The following MYO16 variants were observed in gnomAD, a reference collection of about 807,000 sequenced individuals.
MYO16 encodes the protein unconventional myosin-XVI.
MYO16 carries 94 observed loss-of-function variants against 205.3 expected under a neutral mutation model. The ratio of observed to expected loss-of-function variants is 0.46; its 90% CI spans 0.39 to 0.54. The LOEUF is 0.54. MYO16 is among the 20% of genes least tolerant of loss of function. MYO16 has a pLI of 0.00. For missense variants in MYO16, 2,315 were observed against 2,387.5 expected, an observed-to-expected ratio of 0.97 and a Z score of 0.63; for synonymous variants, 988 against 954.0, an observed-to-expected ratio of 1.04 and a Z score of -0.66.
intron 22 of MYO16, among the ~76,000 whole-genome samples, chr13:109,015,978 T>A (rs762136726): frequency 6.6e-6 from 1 of 152,196 alleles, no homozygotes; most frequent in Non-Finnish European, 1.5e-5. Flanking sequence ...TCTGCTCTGA[T>A]CTTAGTTATT....
intron 33 of MYO16, among the ~76,000 whole-genome samples, chr13:109,178,318 C>T (rs1879307937): frequency 6.6e-6 from 1 of 152,114 alleles, no homozygotes; most frequent in African/African-American, 2.4e-5. Flanking sequence ...ATTGTCCGCC[C>T]AGTCTTCATG....
intron 16 of MYO16, among the ~76,000 whole-genome samples, chr13:108,929,871 C>T (rs1882178105): frequency 6.6e-6 from 1 of 152,084 alleles, no homozygotes; most frequent in African/African-American, 2.4e-5. Flanking sequence ...AGTAAACCAT[C>T]ATAACTAGGG....
At chr13:108,545,143 G>A in the MYO16 span, among the ~76,000 whole-genome samples, 2 of 151,848 alleles carry the variant, frequency 1.3e-5, no homozygotes, top group Non-Finnish European at 2.9e-5. Context: ...TTTTTTCAAC[G>A]CTCACCTGCC....
In MYO16 at chr13:108,610,789, G is replaced by T. The variant is rs543362661; in HGVS notation, c.-39+14550G>T. Among the ~76,000 whole-genome samples the T allele has an allele frequency of 9.2e-5, 14 of 152,254 alleles. No homozygotes were observed. In the East Asian group the frequency reaches 2.7e-3, roughly 29 times the overall value. ...CCTTGAGGCAGAAGAGAGGAGGAGA[G>T]CTGAGAGAAACAAGTAGATAGAATT... On this transcript the variant is annotated intron_variant, in intron 1 of 24. Coordinates refer to the MYO16 transcript ENST00000251041.
chr13:109,015,196 A>T (rs148800775), intron 22 of MYO16, among the ~76,000 whole-genome samples: 1 of 151,940 alleles, frequency 6.6e-6, no homozygotes, highest in Non-Finnish European at 1.5e-5. Flanking sequence ...TGTTGAAGGC[A>T]TTTTCTGCAT....
At chr13:108,663,473 T>C (rs1881591499) in intron 1 of MYO16, among the ~76,000 whole-genome samples, 1 of 152,196 alleles carries the variant, frequency 6.6e-6, no homozygotes, top group South Asian at 2.1e-4. Context: ...ACTAATGTTT[T>C]AGATCAAAAC....
chr13:108,613,160 A>G (rs866793050), intron 1 of MYO16, among the ~76,000 whole-genome samples: 1 of 152,182 alleles, frequency 6.6e-6, no homozygotes, highest in Non-Finnish European at 1.5e-5. Flanking sequence ...AGTTTAATTA[A>G]ATTTGATTAA....
In MYO16 at chr13:108,898,142, A is replaced by G. The variant is rs1192107156; in HGVS notation, c.1777+9A>G. The G allele has an allele frequency of 1.3e-6, 2 of 1,590,100 alleles. No individual in the cohort carries two copies. The highest frequency in any genetic ancestry group is 3.3e-5 in the Admixed American group (2 of 59,970). On this transcript the variant is annotated intron_variant, in intron 15 of 34. Coordinates refer to ENST00000457511, the MANE Select transcript of MYO16 (RefSeq NM_001198950.3). ...ACAACAGCTAACCGGAGGTAAGTGC[A>G]GTATTTGACAACGTGGATTTCCTGT...
At chr13:108,535,164 A>G in the MYO16 span, among the ~76,000 whole-genome samples, 1 of 150,522 alleles carries the variant, frequency 6.6e-6, no homozygotes, top group Non-Finnish European at 1.5e-5. Flanking sequence ...CTCTTTTTAA[A>G]AATTTTTTTA....
intron 1 of MYO16, chr13:108,596,296 C>G (rs1003728787): frequency 6.6e-6 from 1 of 152,148 alleles, no homozygotes; most frequent in Non-Finnish European, 1.5e-5. Context: ...GAAATCCATG[C>G]AGGATTAACT....
intron 23 of MYO16, among the ~76,000 whole-genome samples, chr13:109,035,691 T>A (rs1886694420): frequency 6.6e-6 from 1 of 151,994 alleles, no homozygotes; most frequent in African/African-American, 2.4e-5. Context: ...TTCAAAAAAA[T>A]TAATTAAATA....
chr13:108,799,191 C>A (rs1167844086), intron 6 of MYO16, among the ~76,000 whole-genome samples: 2 of 152,186 alleles, frequency 1.3e-5, no homozygotes, highest in African/African-American at 2.4e-5. Context: ...ATGTCACAAA[C>A]CAACCTCAAA....
the MYO16 span, among the ~76,000 whole-genome samples, chr13:108,531,233 G>C: frequency 1.3e-5 from 2 of 152,208 alleles, no homozygotes; most frequent in Admixed American, 1.3e-4. Flanking sequence ...TTAAGGATTA[G>C]TGTCTTTGTT....
chr13:108,987,036 C>A (rs142675969), intron 20 of MYO16, among the ~76,000 whole-genome samples: 129 of 152,266 alleles, frequency 8.5e-4, no homozygotes, highest in African/African-American at 3.0e-3. Context: ...GCTTTGTGCA[C>A]GGGACTCCAG....
chr13:109,046,650 G>A (rs1045870349), intron 23 of MYO16, among the ~76,000 whole-genome samples: 10 of 152,184 alleles, frequency 6.6e-5, no homozygotes, highest in African/African-American at 2.4e-4. Context: ...CTACATGAAT[G>A]TGAACCGTCA....
chr13:108,569,681 G>A, the MYO16 span, among the ~76,000 whole-genome samples: 1 of 152,066 alleles, frequency 6.6e-6, no homozygotes, highest in Non-Finnish European at 1.5e-5. Context: ...CCCTTCAAAT[G>A]TTGAATAGAT....
chr13:108,503,398 T>C, the MYO16 span, among the ~76,000 whole-genome samples: 3 of 151,948 alleles, frequency 2.0e-5, no homozygotes, highest in Non-Finnish European at 2.9e-5. Context: ...CTGTTCTTCA[T>C]AATTTTGGCC....
At chr13:109,047,513 T>C (rs1887086530) in intron 24 of MYO16, among the ~76,000 whole-genome samples, 1 of 152,172 alleles carries the variant, frequency 6.6e-6, no homozygotes, top group South Asian at 2.1e-4. Flanking sequence ...TGAGCATTAA[T>C]ACTTTATATG....
In MYO16 at chr13:108,830,595, G is replaced by C. The variant is rs576585622; in HGVS notation, c.1097+7317G>C. ...TGGACACAGGAAGGGGAACATCACA[G>C]TCTGGGGACTGTTGTGGGGTGGGGG... On this transcript the variant is annotated intron_variant, in intron 9 of 34. Coordinates refer to ENST00000457511, the MANE Select transcript of MYO16 (RefSeq NM_001198950.3). Among the ~76,000 whole-genome samples, 9 of 134,038 alleles carry C rather than the reference G, an allele frequency of 6.7e-5. No individual in the cohort carries two copies. The South Asian group carries it at 1.8e-3, about 27-fold the overall frequency. 87.9% of individuals were successfully genotyped at this position (134,038 alleles called of 152,430 possible).
Sources: gnomAD v4.1 joint callset for allele counts (sites outside exome capture counted in the v4.1 genomes callset) on GRCh38, gnomAD v4.1.1 for gene constraint, MANE v1.5 for transcripts, NCBI Gene and HGNC (gene_info 2026-07-23, HGNC 2026-07-21) for gene names.